Variants in LRP1 observed in about 807,000 individuals in gnomAD.
The protein encoded by LRP1 is LDL receptor related protein 1.
LRP1 carries 51 observed loss-of-function variants against 541.5 expected under a neutral mutation model. The ratio of observed to expected loss-of-function variants is 0.09; its 90% CI spans 0.08 to 0.12. The LOEUF (loss-of-function observed/expected upper bound fraction) is 0.12. LRP1 is among the 10% of genes least tolerant of loss of function. The pLI, the probability that LRP1 is intolerant of heterozygous loss-of-function variation, is 1.00. For missense variants in LRP1, 3,878 were observed against 6,376.2 expected (o/e 0.61, Z 13.34); for synonymous variants, 2,219 against 2,470.8 (o/e 0.90, Z 3.02).
chr12:57,149,358 TC>T, intron 6 of LRP1: 1 of 483,538 alleles, frequency 2.1e-6, no homozygotes, highest in Non-Finnish European at 3.6e-6. Context: ...CTCTTGCTCC[TC>T]CTCTCTCCTG....
At position 57,201,610 on chromosome 12, in the gene LRP1, G is replaced by C; in HGVS notation, c.10459G>C (p.Ala3487Pro). Residue 3487 changes from alanine (A) to proline (P), a missense_variant, in exon 66 of 89, where the codon GCC becomes CCC. Around this residue, in one of 13 missense-constraint regions of LRP1, gnomAD observed 278 missense variants for 536.3 expected, o/e 0.52. Coordinates refer to ENST00000243077, the MANE Select transcript of LRP1 (RefSeq NM_002332.3). The surrounding 1 kb of genome is among the most constrained non-coding windows in gnomAD (Gnocchi z 6.4). ...NDCVDGSDEP[A>P]NCTQMTCGVD... ...CTGTGTGGATGGCAGTGATGAGCCC[G>C]CCAACTGCAGTGAGTTGCCTGGCCT... is the stretch of plus-strand genomic sequence containing the variant. 1.9e-6 allele frequency: 3 copies of C among 1,612,584 alleles called. No individual in the cohort carries two copies. Among genetic ancestry groups the C allele is most frequent in the Non-Finnish European group, 2.5e-6 (3 of 1,178,978 alleles).
At chr12:57,182,906 G>A (rs1021386745) in intron 34 of LRP1, among the ~76,000 whole-genome samples, 1 of 152,182 alleles carries the variant, frequency 6.6e-6, no homozygotes, top group Non-Finnish European at 1.5e-5. Flanking sequence ...TGACCTTAGG[G>A]GGTTGAGTTT....
intron 20 of LRP1, among the ~76,000 whole-genome samples, chr12:57,172,070 T>C (rs1354804424): frequency 1.3e-5 from 2 of 150,834 alleles, no homozygotes; most frequent in African/African-American, 2.4e-5. Context: ...TTCTTTTTTT[T>C]TTTTTTTGAG....
intron 23 of LRP1, 55 bp downstream of exon 23, chr12:57,175,760 GTGGGT>G: frequency 6.4e-7 from 1 of 1,550,968 alleles, no homozygotes; most frequent in South Asian, 1.2e-5. Context: ...CTGAGCTGCA[GTGGGT>G]TGGGCTTGGT....
chr12:57,210,282 GC>G, intron 81 of LRP1, 24 bp from the exon 82 acceptor site: 1 of 1,548,294 alleles, frequency 6.5e-7, no homozygotes. Context: ...CCCTGGCTCT[GC>G]CCCTTGACGG....
chr12:57,209,308 C>T, intron 79 of LRP1, 109 bp downstream of exon 79: 1 of 896,668 alleles, frequency 1.1e-6, no homozygotes, highest in South Asian at 1.5e-5. Context: ...GTCACTGACC[C>T]CCAGCAATGC....
intron 10 of LRP1, among the ~76,000 whole-genome samples, chr12:57,157,937 T>C (rs1339333959): frequency 6.6e-6 from 1 of 152,198 alleles, no homozygotes; most frequent in Non-Finnish European, 1.5e-5. Flanking sequence ...GTGACATGAT[T>C]GGATTCACAT....
At chr12:57,151,657 AG>A (rs2035527196) in intron 6 of LRP1, among the ~76,000 whole-genome samples, 1 of 152,188 alleles carries the variant, frequency 6.6e-6, no homozygotes, top group African/African-American at 2.4e-5. Flanking sequence ...CATAAGACAG[AG>A]AGGGGTGGCC....
intron 77 of LRP1, 117 bp downstream of exon 77, chr12:57,208,333 T>A (rs2036831927): frequency 9.1e-7 from 1 of 1,096,084 alleles, no homozygotes; most frequent in African/African-American, 1.6e-5. Flanking sequence ...GAGGACAGAG[T>A]CCTTTTCAGT....
chr12:57,166,066 G>A lies in LRP1; in HGVS notation c.2672-18G>A. On this transcript the variant is annotated intron_variant, in intron 16 of 88. Transcript: ENST00000243077. ...GGCACCCAACTTCTCGCTGACCCCT[G>A]ACTCATTCCCTCCCCAGATCAGCAC... 1 of 1,614,124 alleles carries A rather than the reference G, an allele frequency of 6.2e-7. No individual in the cohort carries two copies. The highest frequency in any genetic ancestry group is 8.5e-7 in the Non-Finnish European group (1 of 1,179,998).
rs2036212105 is a variant in LRP1 at position 57,183,718 on chromosome 12, C to T, written c.5795-57C>T. On this transcript the variant is annotated intron_variant, in intron 35 of 88. Transcript: ENST00000243077. This position sits in a 1 kb window ranked among gnomAD's most constrained non-coding sequence, Gnocchi z 6.1. ...TGTCTTGAGCCTTGTGAGATTTTGA[C>T]CCCTCACCTTACCCCTGCCTTATTG... is the stretch of plus-strand genomic sequence containing the variant. The T allele has an allele frequency of 1.2e-6, 2 of 1,604,528 alleles. No homozygotes were observed. The highest frequency in any genetic ancestry group is 8.5e-7 in the Non-Finnish European group (1 of 1,175,872).
intron 34 of LRP1, 87 bp downstream of exon 34, chr12:57,181,378 CT>C (rs1285763118): frequency 6.7e-7 from 1 of 1,487,426 alleles, no homozygotes; most frequent in Non-Finnish European, 9.0e-7. Context: ...CTCTTCTTAC[CT>C]TGGGGACAAG....
Position 57,173,904 on chromosome 12 carries a change from A to T in LRP1, c.3471A>T (p.Ser1157=). The T allele has an allele frequency of 6.2e-7, 1 of 1,614,240 alleles. No individual in the cohort carries two copies. The highest frequency in any genetic ancestry group is 2.2e-5 in the East Asian group (1 of 44,874). The change falls in exon 22 of 89, where the codon TCA becomes TCT. Residue 1157 remains serine (S), a synonymous_variant. Coordinates refer to ENST00000243077, the MANE Select transcript of LRP1 (RefSeq NM_002332.3). This position sits in a 1 kb window ranked among gnomAD's most constrained non-coding sequence, Gnocchi z 4.7. ...PPSHPCANNT[S]VCLPPDKLCD... ...CGCACCCTTGTGCCAACAACACCTC[A>T]GTCTGCCTGCCCCCTGACAAGCTGT... is the stretch of plus-strand genomic sequence containing the variant.
At position 57,145,285 on chromosome 12, in the gene LRP1, G is replaced by C. The variant is rs760353175; in HGVS notation, c.636G>C (p.Thr212=). Residue 212 remains threonine (T), a synonymous_variant, in exon 6 of 89, where the codon ACG becomes ACC. Coordinates refer to ENST00000243077, the MANE Select transcript of LRP1 (RefSeq NM_002332.3). ...CCAACTCCCAGAACATCTTGGCCACGTACCTGAGTGGGGCCCAGGTGTCTA... is the reference window on the plus strand; with the variant it reads ...CCAACTCCCAGAACATCTTGGCCACCTACCTGAGTGGGGCCCAGGTGTCTA... ...LIANSQNILA[T]YLSGAQVSTI... is the part of the protein sequence containing the mutation. 1.5e-5 allele frequency: 24 copies of C among 1,614,026 alleles called. No homozygotes were observed. The South Asian group carries it at 2.3e-4, about 16-fold the overall frequency.
chr12:57,161,617 T>G (rs1352878188), intron 13 of LRP1, among the ~76,000 whole-genome samples: 1 of 152,052 alleles, frequency 6.6e-6, no homozygotes, highest in Non-Finnish European at 1.5e-5. Flanking sequence ...TCTCCCCACT[T>G]CCTTCATCCC....
At chr12:57,167,419 C>T in intron 18 of LRP1, 25 bp from the exon 19 acceptor site, 1 of 1,566,006 alleles carries the variant, frequency 6.4e-7, no homozygotes, top group Non-Finnish European at 8.8e-7. Context: ...GAAGGCCCTA[C>T]TCAGCTACTC....
At chr12:57,192,800 G>A (rs1329541143) in intron 44 of LRP1, 45 bp from the exon 45 acceptor site, 1 of 1,612,842 alleles carries the variant, frequency 6.2e-7, no homozygotes, top group African/African-American at 1.3e-5. Flanking sequence ...TGCATGCACA[G>A]CAGAGAACAC....
chr12:57,201,208 C>T lies in LRP1; in HGVS notation c.10345+55C>T. On this transcript the variant is annotated intron_variant, in intron 65 of 88. Coordinates refer to ENST00000243077, the MANE Select transcript of LRP1 (RefSeq NM_002332.3). This position sits in a 1 kb window ranked among gnomAD's most constrained non-coding sequence, Gnocchi z 6.4. ...GGTGGGAGATGACACGGAAGCAGGG[C>T]AGGCAGAATCTCCCCACAGCTTTGA... 1 of 1,607,018 alleles carries T rather than the reference C, an allele frequency of 6.2e-7. No homozygotes were observed. Among genetic ancestry groups the T allele is most frequent in the South Asian group, 1.1e-5 (1 of 90,486 alleles).
At chr12:57,130,643 C>T (rs2136645514) in intron 1 of LRP1, among the ~76,000 whole-genome samples, 1 of 152,022 alleles carries the variant, frequency 6.6e-6, no homozygotes, top group Admixed American at 6.5e-5. Context: ...GAGAGAGAGA[C>T]CCATCAGGAG....
Sources: allele counts gnomAD v4.1 joint callset (sites outside exome capture counted in the v4.1 genomes callset), GRCh38; gene constraint gnomAD v4.1.1; regional missense constraint gnomAD v4.1.1; non-coding constraint Gnocchi (gnomAD v3.1); transcripts MANE v1.5; gene names NCBI Gene and HGNC (gene_info 2026-07-23, HGNC 2026-07-21).